EDC3: variants seen among roughly 807,000 people sequenced by gnomAD.
EDC3 encodes enhancer of mRNA-decapping protein 3.
Under a neutral mutation model 41.8 loss-of-function variants are expected in EDC3, and 20 were observed. That is an observed-to-expected ratio of 0.48 (90% confidence interval 0.34 to 0.70). EDC3 has a LOEUF of 0.70. Among genes scored for constraint, EDC3 ranks in the 30% least tolerant of loss-of-function variants. The probability of loss-of-function intolerance (pLI) is 0.01; values close to 1 mark genes in which losing one functional copy is unlikely to be tolerated. For synonymous variants in EDC3, 206 were observed against 243.2 expected, an observed-to-expected ratio of 0.85 and a Z score of 1.42; for missense variants, 444 against 636.8, an observed-to-expected ratio of 0.70 and a Z score of 3.26.
intron 3 of EDC3, among the ~76,000 whole-genome samples, chr15:74,658,147 C>T (rs566260971): frequency 5.9e-5 from 9 of 152,344 alleles, no homozygotes; most frequent in Admixed American, 5.9e-4. Flanking sequence ...AATCAGGTGA[C>T]TGGTATGCCA....
In EDC3 at chr15:74,632,490, C is replaced by T. The variant is rs577072562; in HGVS notation, c.*122G>A. The T allele has an allele frequency of 9.9e-5, 118 of 1,191,886 alleles. No homozygotes were observed. In the African/African-American group the frequency reaches 1.7e-3, roughly 17 times the overall value. The allele number at this position is 1,191,886 out of a possible 1,614,324, so 73.8% of individuals were successfully genotyped here. A position where few individuals can be genotyped will look rare whatever the true frequency, so the allele number is the denominator to read the frequency against. On this transcript the variant is annotated 3_prime_UTR_variant, in exon 7 of 7. Coordinates refer to ENST00000315127, the MANE Select transcript of EDC3 (RefSeq NM_025083.5). The surrounding 1 kb of genome is among the most constrained non-coding windows in gnomAD (Gnocchi z 4.0). The stretch of plus-strand genomic sequence containing the variant: ...CAGTTTTAAGTAAGTTCTGTTCTCT[C>T]ACAGAAGAAACAAACCCAAAAGAGA...
At chr15:74,672,275 AAAAAAAAAAAAAAG>A (rs961199798) in intron 2 of EDC3, among the ~76,000 whole-genome samples, 4 of 136,696 alleles carry the variant, frequency 2.9e-5, no homozygotes, top group African/African-American at 1.1e-4. Context: ...TCTCAAAAAA[AAAAAAAAAAAAAAG>A]AGAGGCTATT....
At chr15:74,678,952 A>G (rs1414947316) in intron 1 of EDC3, among the ~76,000 whole-genome samples, 2 of 150,544 alleles carry the variant, frequency 1.3e-5, no homozygotes, top group Non-Finnish European at 1.5e-5. Context: ...GCACTTTGGG[A>G]GGCTGAGGAG....
intron 4 of EDC3, chr15:74,642,755 C>A (rs1481528121): frequency 6.6e-6 from 1 of 152,272 alleles, no homozygotes; most frequent in Non-Finnish European, 1.5e-5. Context: ...CAGGCAGCCC[C>A]TCCCCTGCCC....
At position 74,671,606 on chromosome 15, in the gene EDC3, G is replaced by A. The variant is rs1347026486; in HGVS notation, c.333C>T (p.Ser111=). 1.2e-6 allele frequency: 2 copies of A among 1,614,066 alleles called. No homozygotes were observed. Among genetic ancestry groups the A allele is most frequent in the African/African-American group, 2.7e-5 (2 of 74,934 alleles). Residue 111 remains serine, a synonymous_variant, in exon 3 of 7, where the codon AGC becomes AGT. Transcript: ENST00000315127. The surrounding 1 kb of genome is among the most constrained non-coding windows in gnomAD (Gnocchi z 4.6). ...TCTTAGGGATATTCTGAGGGGCACTGCTGGAAGAGGCTGGCTTCTTGACAA... is the reference window on the plus strand; with the variant it reads ...TCTTAGGGATATTCTGAGGGGCACTACTGGAAGAGGCTGGCTTCTTGACAA... ...GKFVKKPASS[S]SAPQNIPKRT...
chr15:74,680,601 T>C (rs1321766114), intron 1 of EDC3, among the ~76,000 whole-genome samples: 2 of 152,118 alleles, frequency 1.3e-5, no homozygotes, highest in Non-Finnish European at 1.5e-5. Flanking sequence ...AAGGCAAAGA[T>C]ATCCACTATT....
At chr15:74,670,010 A>ATTTTTTT (rs757043746) in intron 3 of EDC3, among the ~76,000 whole-genome samples, 1 of 116,362 alleles carries the variant, frequency 8.6e-6, no homozygotes, top group Non-Finnish European at 1.8e-5. Context: ...CGCCCAGCTA[A>ATTTTTTT]TTTTTTTTTT....
At position 74,655,434 on chromosome 15, in the gene EDC3, T is replaced by C. The variant is rs776118954; in HGVS notation, c.820+299A>G. ...CCAAAGTGAAAATAGATCTGAATATTTGAATCTACATAGCAGGCCCTTTGC... is the reference window on the plus strand; with the variant it reads ...CCAAAGTGAAAATAGATCTGAATATCTGAATCTACATAGCAGGCCCTTTGC... On this transcript the variant is annotated intron_variant, in intron 4 of 6. Coordinates refer to ENST00000315127, the MANE Select transcript of EDC3 (RefSeq NM_025083.5). Among the ~76,000 whole-genome samples, 6 of 152,172 alleles carry C rather than the reference T, an allele frequency of 3.9e-5. No individual in the cohort carries two copies. The East Asian group carries it at 5.8e-4, about 15-fold the overall frequency.
intron 4 of EDC3, among the ~76,000 whole-genome samples, chr15:74,653,103 C>G (rs1322146501): frequency 6.6e-6 from 1 of 151,466 alleles, no homozygotes; most frequent in Non-Finnish European, 1.5e-5. Flanking sequence ...TCGCTTGAAC[C>G]TGGGAGGTAG....
intron 1 of EDC3, among the ~76,000 whole-genome samples, chr15:74,689,534 T>G (rs1233728134): frequency 6.6e-6 from 1 of 152,064 alleles, no homozygotes; most frequent in African/African-American, 2.4e-5. Context: ...TTTTTTTTTT[T>G]CTTTTTTTGA....
chr15:74,650,858 T>G (rs2062472127), intron 4 of EDC3, among the ~76,000 whole-genome samples: 2 of 151,982 alleles, frequency 1.3e-5, no homozygotes, highest in Admixed American at 1.3e-4. Flanking sequence ...ATTTGCCAGG[T>G]GTGGTGGTGT....
intron 3 of EDC3, among the ~76,000 whole-genome samples, chr15:74,669,761 TA>T (rs908149838): frequency 1.3e-5 from 2 of 152,188 alleles, no homozygotes; most frequent in African/African-American, 4.8e-5. Flanking sequence ...TAGCTCACTC[TA>T]AATTGTGCCT....
At chr15:74,669,810 A>C (rs1193672819) in intron 3 of EDC3, among the ~76,000 whole-genome samples, 1 of 152,032 alleles carries the variant, frequency 6.6e-6, no homozygotes, top group Non-Finnish European at 1.5e-5. Context: ...CTAGCTTATA[A>C]TTTTAAATGA....
chr15:74,668,340 A>G (rs2062700063), intron 3 of EDC3, among the ~76,000 whole-genome samples: 1 of 152,230 alleles, frequency 6.6e-6, no homozygotes, highest in South Asian at 2.1e-4. Flanking sequence ...ATGCATCAAC[A>G]TTGGTTCAAT....
At chr15:74,647,007 C>CT (rs573421456) in intron 4 of EDC3, among the ~76,000 whole-genome samples, 2,306 of 134,228 alleles carry the variant, frequency 0.017, 32 homozygotes, top group South Asian at 0.046. Flanking sequence ...CTTTCCAGAC[C>CT]TTTTTTTTTT....
intron 4 of EDC3, among the ~76,000 whole-genome samples, chr15:74,647,751 A>G (rs958338327): frequency 3.3e-5 from 5 of 152,194 alleles, no homozygotes; most frequent in East Asian, 1.9e-4. Context: ...AGGTTCCCCA[A>G]CTCAACCAAG....
At chr15:74,637,202 G>A (rs1442647645) in intron 5 of EDC3, 1 of 152,242 alleles carries the variant, frequency 6.6e-6, no homozygotes, top group African/African-American at 2.4e-5. Flanking sequence ...CCACGGGTCT[G>A]ATTTCTCAAC....
chr15:74,651,639 AC>A (rs2062481683), intron 4 of EDC3, among the ~76,000 whole-genome samples: 1 of 152,236 alleles, frequency 6.6e-6, no homozygotes, highest in Non-Finnish European at 1.5e-5. Context: ...TTCTTTTGCT[AC>A]CATGGGGATT....
In EDC3 at chr15:74,671,759, C is replaced by T. The variant is rs764338631; in HGVS notation, c.180G>A (p.Thr60=). The T allele has an allele frequency of 2.9e-5, 46 of 1,613,632 alleles. No homozygotes were observed. In the East Asian group the frequency reaches 3.8e-4, roughly 13 times the overall value. ...CTGGTATCTCCAGAATTTTTAACTC[C>T]GTAATGTCACCTGCCCTGAAATACA... The part of the protein sequence containing the change: ...PEVTFRAGDI[T]ELKILEIPGP... The change falls in exon 3 of 7, where the codon ACG becomes ACA. Residue 60 remains threonine (T), a synonymous_variant. Transcript: ENST00000315127. The surrounding 1 kb of genome is among the most constrained non-coding windows in gnomAD (Gnocchi z 4.6).
Sources: allele counts gnomAD v4.1 joint callset (sites outside exome capture counted in the v4.1 genomes callset), GRCh38; gene constraint gnomAD v4.1.1; non-coding constraint Gnocchi (gnomAD v3.1); transcripts MANE v1.5; gene names NCBI Gene and HGNC (gene_info 2026-07-23, HGNC 2026-07-21).